The following DGKB variants were observed in gnomAD, a reference collection of about 807,000 sequenced individuals.
The protein encoded by DGKB is 90 kDa diacylglycerol kinase.
In DGKB, 67 loss-of-function variants were observed where a neutral mutation model predicts 114.3. That is an observed-to-expected ratio of 0.59 (90% CI 0.48 to 0.72). DGKB has a LOEUF of 0.72. Ranked by LOEUF, DGKB falls within the 30% of genes least tolerant of loss-of-function variation. DGKB has a pLI of 0.00. For missense variants in DGKB, 907 were observed against 975.2 expected, an observed-to-expected ratio of 0.93 and a Z score of 0.93; for synonymous variants, 398 against 323.1, an observed-to-expected ratio of 1.23 and a Z score of -2.49.
intron 20 of DGKB, among the ~76,000 whole-genome samples, chr7:14,552,591 A>G (rs1795254822): frequency 6.6e-6 from 1 of 152,154 alleles, no homozygotes; most frequent in Non-Finnish European, 1.5e-5. Context: ...TGGATAAGGA[A>G]TATGTCACCA....
intron 2 of DGKB, among the ~76,000 whole-genome samples, chr7:14,813,325 C>T (rs1018171784): frequency 2.4e-4 from 36 of 152,188 alleles, no homozygotes; most frequent in African/African-American, 8.7e-4. Flanking sequence ...AACTACTCTC[C>T]TATTTAGTAT....
rs1797725844 is a variant in DGKB at position 14,567,482 on chromosome 7, ATT to A, written c.1770+6728_1770+6729del. On this transcript the variant is annotated intron_variant, in intron 20 of 25. Coordinates refer to ENST00000402815, the MANE Select transcript of DGKB (RefSeq NM_001350709.2). ...AATTATATATTTATATATTATATAT[ATT>A]TATATATTATATATAATTATATAAT... Among the ~76,000 whole-genome samples, 7 of 79,520 alleles carry A rather than the reference ATT, an allele frequency of 8.8e-5. No homozygotes were observed. In the South Asian group the frequency reaches 1.5e-3, roughly 17 times the overall value. The allele number at this position is 79,520 out of a possible 152,430, so 52.2% of individuals were successfully genotyped here. A position where few individuals can be genotyped will look rare whatever the true frequency, so the allele number is the denominator to read the frequency against.
intron 21 of DGKB, among the ~76,000 whole-genome samples, chr7:14,472,028 G>T (rs535279795): frequency 6.6e-6 from 1 of 152,276 alleles, no homozygotes; most frequent in South Asian, 2.1e-4. Flanking sequence ...CAGTATTATT[G>T]TGATCGCTGG....
chr7:14,313,693 C>T lies in DGKB; in HGVS notation c.2122+24822G>A, dbSNP rs1322550009. ...CTGAGATCAAACTGCAAGGCGGCAG[C>T]GAGGCTGGGGGAGGGGCGCCCGCCA... On this transcript the variant is annotated intron_variant, in intron 23 of 25. Coordinates refer to ENST00000402815, the MANE Select transcript of DGKB (RefSeq NM_001350709.2). Among the ~76,000 whole-genome samples the T allele has an allele frequency of 9.2e-5, 14 of 152,126 alleles. No individual in the cohort carries two copies. The East Asian group carries it at 2.5e-3, about 27-fold the overall frequency.
intron 23 of DGKB, among the ~76,000 whole-genome samples, chr7:14,179,065 A>T (rs767749221): frequency 2.6e-5 from 4 of 152,238 alleles, no homozygotes; most frequent in Non-Finnish European, 5.9e-5. Context: ...GCACTATGCT[A>T]CATTTGATAA....
intron 23 of DGKB, among the ~76,000 whole-genome samples, chr7:14,308,214 G>A (rs373441803): frequency 6.6e-6 from 1 of 151,952 alleles, no homozygotes; most frequent in Non-Finnish European, 1.5e-5. Context: ...ATTTTCAAAT[G>A]ATATTAAAAT....
chr7:14,808,007 A>T (rs566841962), intron 2 of DGKB, among the ~76,000 whole-genome samples: 1 of 152,184 alleles, frequency 6.6e-6, no homozygotes, highest in African/African-American at 2.4e-5. Flanking sequence ...TACAAAGCTA[A>T]GATGTCATTA....
At chr7:14,611,372 A>G (rs1034854687) in intron 16 of DGKB, among the ~76,000 whole-genome samples, 7 of 152,138 alleles carry the variant, frequency 4.6e-5, no homozygotes, top group Non-Finnish European at 1.0e-4. Flanking sequence ...ACATTTTCAG[A>G]CTTATTGATT....
chr7:14,644,993 C>T (rs892851201), intron 13 of DGKB, among the ~76,000 whole-genome samples: 1 of 152,146 alleles, frequency 6.6e-6, no homozygotes, highest in Admixed American at 6.5e-5. Context: ...AACCAAGCTG[C>T]CAGTTCCAGA....
At chr7:14,499,179 A>G (rs1785748708) in intron 20 of DGKB, among the ~76,000 whole-genome samples, 1 of 151,716 alleles carries the variant, frequency 6.6e-6, no homozygotes, top group South Asian at 2.1e-4. Flanking sequence ...TGTAGCAAAT[A>G]GTCCCAAACT....
intron 23 of DGKB, among the ~76,000 whole-genome samples, chr7:14,198,023 G>T (rs969369695): frequency 1.2e-4 from 19 of 152,050 alleles, no homozygotes; most frequent in Admixed American, 1.2e-3. Context: ...AAAGAATTGA[G>T]TTATTCAGTG....
At chr7:14,693,842 A>G (rs991115494) in intron 9 of DGKB, among the ~76,000 whole-genome samples, 9 of 152,106 alleles carry the variant, frequency 5.9e-5, no homozygotes, top group African/African-American at 1.9e-4. Context: ...CAAAAGAGAG[A>G]GAATATATTT....
At chr7:14,412,500 A>T (rs1383241696) in intron 21 of DGKB, among the ~76,000 whole-genome samples, 1 of 152,150 alleles carries the variant, frequency 6.6e-6, no homozygotes, top group African/African-American at 2.4e-5. Flanking sequence ...CGGGGAAAGG[A>T]GCAAAGGAAT....
chr7:14,542,713 A>T (rs4719410), intron 20 of DGKB, among the ~76,000 whole-genome samples: 83,864 of 151,964 alleles, frequency 0.55, 23,631 homozygotes, highest in East Asian at 0.85. Flanking sequence ...GGGTTTCAAG[A>T]AGGAATATCT....
At chr7:14,604,848 T>C (rs190268048) in intron 17 of DGKB, among the ~76,000 whole-genome samples, 6 of 152,228 alleles carry the variant, frequency 3.9e-5, no homozygotes, top group Admixed American at 6.6e-5. Context: ...CATTTGCCTT[T>C]AGGATAAACA....
chr7:14,882,400 T>G (rs1304882525), intron 1 of DGKB, among the ~76,000 whole-genome samples: 1 of 152,010 alleles, frequency 6.6e-6, no homozygotes, highest in Non-Finnish European at 1.5e-5. Flanking sequence ...TAGGTAGTAT[T>G]GTTTTTTGTT....
intron 4 of DGKB, among the ~76,000 whole-genome samples, chr7:14,749,509 A>T (rs1833822512): frequency 6.6e-6 from 1 of 152,194 alleles, no homozygotes; most frequent in Admixed American, 6.5e-5. Flanking sequence ...CCGAAAGATA[A>T]TGCTACTACA....
chr7:14,164,615 A>G (rs1393919317), intron 25 of DGKB, among the ~76,000 whole-genome samples: 1 of 152,194 alleles, frequency 6.6e-6, no homozygotes, highest in Non-Finnish European at 1.5e-5. Context: ...TGATAAAACA[A>G]TGTCCTTCTT....
At chr7:14,678,014 G>C (rs191517606) in intron 12 of DGKB, among the ~76,000 whole-genome samples, 1 of 152,052 alleles carries the variant, frequency 6.6e-6, no homozygotes. Context: ...TGATTCTTAA[G>C]TATTTGTTTA....
Sources: allele counts gnomAD v4.1 joint callset (sites outside exome capture counted in the v4.1 genomes callset), GRCh38; gene constraint gnomAD v4.1.1; transcripts MANE v1.5; gene names NCBI Gene and HGNC (gene_info 2026-07-23, HGNC 2026-07-21).